Variants in CYP19A1 observed in about 807,000 individuals in gnomAD.
CYP19A1 encodes the protein aromatase.
CYP19A1 carries 32 observed loss-of-function variants against 44.4 expected under a neutral mutation model. That is an observed-to-expected ratio of 0.72 (90% CI 0.54 to 0.97). CYP19A1 has a LOEUF of 0.97. Ranked by LOEUF, CYP19A1 falls within the 50% of genes least tolerant of loss-of-function variation. The pLI is 0.00. For missense variants in CYP19A1, 598 were observed against 637.8 expected (o/e 0.94, Z 0.67); for synonymous variants, 212 against 215.6 (o/e 0.98, Z 0.14).
chr15:51,298,315 A>G (rs1226791921), intron 1 of CYP19A1, among the ~76,000 whole-genome samples: 4 of 152,228 alleles, frequency 2.6e-5, no homozygotes, highest in Admixed American at 1.3e-4. Context: ...GTGCTTGTTT[A>G]ATTAACTTAT....
At chr15:51,299,522 A>G (rs2079986994) in intron 1 of CYP19A1, among the ~76,000 whole-genome samples, 1 of 152,118 alleles carries the variant, frequency 6.6e-6, no homozygotes, top group African/African-American at 2.4e-5. Context: ...GAGAATGGAA[A>G]AGATGGGCCA....
At chr15:51,254,312 T>C (rs1460514859) in intron 1 of CYP19A1, among the ~76,000 whole-genome samples, 1 of 152,242 alleles carries the variant, frequency 6.6e-6, no homozygotes, top group Non-Finnish European at 1.5e-5. Context: ...AGAACTAGGT[T>C]TGATTATCCA....
chr15:51,229,919 A>G (rs2032897436), intron 3 of CYP19A1, among the ~76,000 whole-genome samples: 1 of 152,354 alleles, frequency 6.6e-6, no homozygotes, highest in South Asian at 2.1e-4. Context: ...TTAAAAAGAG[A>G]GTAAGAAACT....
chr15:51,214,691 T>C lies in CYP19A1; in HGVS notation c.1021+379A>G, dbSNP rs1407307409. ...TTTGTAAAATGGACAAATCCAACCA[T>C]AAATATGTGTTTGTGGGCAAATAGA... is the stretch of plus-strand genomic sequence containing the variant. On this transcript the variant is annotated intron_variant, in intron 8 of 9. Coordinates refer to ENST00000396402, the MANE Select transcript of CYP19A1 (RefSeq NM_000103.4). Among the ~76,000 whole-genome samples the C allele has an allele frequency of 2.0e-5, 3 of 152,168 alleles. No homozygotes were observed. In the East Asian group the frequency reaches 5.8e-4, roughly 29 times the overall value.
chr15:51,242,974 A>AT, intron 1 of CYP19A1, 24 bp from the exon 2 acceptor site: 1 of 1,181,714 alleles, frequency 8.5e-7, no homozygotes. Flanking sequence ...AGGGACAGAA[A>AT]AATTACAGAA....
chr15:51,222,707 A>C (rs2032220362), intron 4 of CYP19A1, among the ~76,000 whole-genome samples, 182 bp from the exon 5 acceptor site: 1 of 152,260 alleles, frequency 6.6e-6, no homozygotes, highest in African/African-American at 2.4e-5. Flanking sequence ...ATAAGCATGT[A>C]CTATCCTATG....
intron 1 of CYP19A1, among the ~76,000 whole-genome samples, chr15:51,285,851 T>C (rs1410432014): frequency 6.6e-6 from 1 of 152,184 alleles, no homozygotes; most frequent in South Asian, 2.1e-4. Context: ...TCTCAAACTG[T>C]GTTTTCTCAT....
At chr15:51,287,043 G>A (rs2035719730) in intron 1 of CYP19A1, among the ~76,000 whole-genome samples, 1 of 152,192 alleles carries the variant, frequency 6.6e-6, no homozygotes, top group African/African-American at 2.4e-5. Flanking sequence ...GGCAGGGTTG[G>A]CAAGAGTGGA....
intron 1 of CYP19A1, among the ~76,000 whole-genome samples, chr15:51,289,728 G>A (rs2035799775): frequency 6.6e-6 from 1 of 152,188 alleles, no homozygotes; most frequent in African/African-American, 2.4e-5. Context: ...TTTGAAGCCT[G>A]TTTGGAGTGA....
chr15:51,229,589 G>T (rs915174120), intron 3 of CYP19A1, among the ~76,000 whole-genome samples: 3 of 151,904 alleles, frequency 2.0e-5, no homozygotes, highest in Non-Finnish European at 4.4e-5. Flanking sequence ...TAAAAATCCA[G>T]ATGCTTCCAT....
chr15:51,263,087 G>C (rs957046940), intron 1 of CYP19A1, among the ~76,000 whole-genome samples: 1 of 152,058 alleles, frequency 6.6e-6, no homozygotes, highest in African/African-American at 2.4e-5. Context: ...AATATGTTGT[G>C]ATATGAACTC....
At chr15:51,248,062 G>C (rs2034144815) in intron 1 of CYP19A1, among the ~76,000 whole-genome samples, 1 of 152,076 alleles carries the variant, frequency 6.6e-6, no homozygotes, top group South Asian at 2.1e-4. Context: ...AACTCTCTAA[G>C]ATTAATTGCT....
intron 1 of CYP19A1, among the ~76,000 whole-genome samples, chr15:51,326,268 C>T (rs1423390922): frequency 6.6e-6 from 1 of 152,108 alleles, no homozygotes; most frequent in Admixed American, 6.5e-5. Context: ...CACAGTTTAC[C>T]CCTGGACCTC....
intron 1 of CYP19A1, among the ~76,000 whole-genome samples, chr15:51,270,268 T>C (rs1256829520): frequency 6.6e-6 from 1 of 152,176 alleles, no homozygotes; most frequent in East Asian, 1.9e-4. Flanking sequence ...AGAATACAAT[T>C]GGATTTTGTA....
rs1206093583 is a variant in CYP19A1, at chr15:51,294,827, A to T, written c.-39+43668T>A. Among the ~76,000 whole-genome samples, 4 of 152,158 alleles carry T rather than the reference A, an allele frequency of 2.6e-5. No homozygotes were observed. In the South Asian group the frequency reaches 8.3e-4, roughly 32 times the overall value. On this transcript the variant is annotated intron_variant, in intron 1 of 9. Transcript: ENST00000396402. ...CCACCCCGTCTGGGAGGTGTACCCAACAGCTCATTGAGAACGGGCCATGAT... is the reference window on the plus strand; with the variant it reads ...CCACCCCGTCTGGGAGGTGTACCCATCAGCTCATTGAGAACGGGCCATGAT...
chr15:51,335,624 T>G (rs2036763729), intron 1 of CYP19A1, among the ~76,000 whole-genome samples: 1 of 152,236 alleles, frequency 6.6e-6, no homozygotes, highest in Non-Finnish European at 1.5e-5. Flanking sequence ...CAGGTGGTTT[T>G]AAAGGCTGAA....
chr15:51,224,416 T>C (rs550954036), intron 4 of CYP19A1, among the ~76,000 whole-genome samples: 1 of 152,308 alleles, frequency 6.6e-6, no homozygotes, highest in East Asian at 1.9e-4. Flanking sequence ...ATTATCCCCC[T>C]ATTTCCTGAG....
At chr15:51,313,848 G>T (rs1470907616) in intron 1 of CYP19A1, among the ~76,000 whole-genome samples, 1 of 152,036 alleles carries the variant, frequency 6.6e-6, no homozygotes, top group East Asian at 1.9e-4. Context: ...TTGGGAAAGG[G>T]CTGGGGTGCG....
At chr15:51,237,671 T>A (rs746836284) in intron 2 of CYP19A1, among the ~76,000 whole-genome samples, 10 of 152,210 alleles carry the variant, frequency 6.6e-5, no homozygotes, top group Non-Finnish European at 1.3e-4. Flanking sequence ...AACCTCTAGA[T>A]TGGAGTTTGA....
Sources: allele counts gnomAD v4.1 joint callset (sites outside exome capture counted in the v4.1 genomes callset), GRCh38; gene constraint gnomAD v4.1.1; transcripts MANE v1.5; gene names NCBI Gene and HGNC (gene_info 2026-07-23, HGNC 2026-07-21).